The following MEGF9 variants were observed in gnomAD, a reference collection of about 807,000 sequenced individuals.
MEGF9 encodes the protein multiple EGF like domains 9.
MEGF9 carries 6 observed loss-of-function variants against 46.8 expected under a neutral mutation model. That is an observed-to-expected ratio of 0.13 (90% confidence interval 0.07 to 0.25). MEGF9 has a LOEUF of 0.25. Ranked by LOEUF, MEGF9 falls within the 10% of genes least tolerant of loss-of-function variation. The probability of loss-of-function intolerance (pLI) is 1.00; values close to 1 mark genes in which losing one functional copy is unlikely to be tolerated. For synonymous variants in MEGF9, 302 were observed against 330.7 expected (o/e 0.91, Z 0.94); for missense variants, 683 against 792.4 (o/e 0.86, Z 1.66).
chr9:120,660,584 ATTC>A, intron 1 of MEGF9, among the ~76,000 whole-genome samples: 2 of 152,186 alleles, frequency 1.3e-5, no homozygotes, highest in East Asian at 3.9e-4. Flanking sequence ...CCTGTCCACT[ATTC>A]TTCGCAGTCA....
intron 1 of MEGF9, among the ~76,000 whole-genome samples, chr9:120,664,299 G>A (rs1029799429): frequency 6.6e-6 from 1 of 152,018 alleles, no homozygotes; most frequent in Admixed American, 6.6e-5. Flanking sequence ...ATTAATGATG[G>A]GAGTTTTTGG....
At chr9:120,669,078 A>C (rs376937360) in intron 1 of MEGF9, among the ~76,000 whole-genome samples, 3 of 152,170 alleles carry the variant, frequency 2.0e-5, no homozygotes, top group Non-Finnish European at 4.4e-5. Flanking sequence ...TAAAGGTCAA[A>C]TTATATATGG....
Position 120,605,511 on chromosome 9 carries a change from G to T in MEGF9, c.1488C>A (p.Ser496Arg). The T allele has an allele frequency of 1.9e-6, 3 of 1,613,934 alleles. No homozygotes were observed. The highest frequency in any genetic ancestry group is 2.2e-5 in the South Asian group (2 of 91,084). Reference sequence around the variant, plus strand: ...AAGCTGAAGTGCTGTTTTCAGAAGTGCTTACTGAAAAGATAGTCTGCAGGG... The same window carrying T: ...AAGCTGAAGTGCTGTTTTCAGAAGTTCTTACTGAAAAGATAGTCTGCAGGG... ...PTTLQTIFSVSTSENSTSALA... is the reference protein window; with the variant it reads ...PTTLQTIFSVRTSENSTSALA... Residue 496 changes from serine (S) to arginine (R), a missense_variant, in exon 6 of 6, where the codon AGC (serine) becomes AGA (arginine). Physicochemically the swap from Ser to Arg is moderately radical, Grantham distance 110 (BLOSUM62 -1). Coordinates refer to ENST00000373930, the MANE Select transcript of MEGF9 (RefSeq NM_001080497.3). This position sits in a 1 kb window ranked among gnomAD's most constrained non-coding sequence, Gnocchi z 4.0.
intron 1 of MEGF9, among the ~76,000 whole-genome samples, chr9:120,663,731 A>C (rs531382588): frequency 6.4e-4 from 97 of 152,342 alleles, no homozygotes; most frequent in African/African-American, 1.7e-3. Flanking sequence ...ATTGCCTAAA[A>C]GTAAATATGG....
rs150282863 is a variant in MEGF9, at chr9:120,684,863, T to A, written c.602-25288A>T. ...TCTTTTTTTTTTTTGAGACGGAGTC[T>A]CGCTCTCTCTCCCAGTCTGGAGTGC... On this transcript the variant is annotated intron_variant, in intron 1 of 5. Coordinates refer to ENST00000373930, the MANE Select transcript of MEGF9 (RefSeq NM_001080497.3). Among the ~76,000 whole-genome samples, 1,373 of 151,822 alleles carry A rather than the reference T, an allele frequency of 9.0e-3. 16 individuals carry two copies. Among genetic ancestry groups the A allele is most frequent in the African/African-American group, 0.03 (1,254 of 41,340 alleles).
chr9:120,691,438 T>C (rs767204591), intron 1 of MEGF9: 3 of 489,650 alleles, frequency 6.1e-6, no homozygotes, highest in African/African-American at 6.0e-5. Flanking sequence ...TTTTCCTAGA[T>C]ACTTTTGGGG....
At position 120,688,167 on chromosome 9, in the gene MEGF9, A is replaced by ACACG. The variant is rs1223894381; in HGVS notation, c.601+25587_601+25590dup. On this transcript the variant is annotated intron_variant, in intron 1 of 5. Transcript: ENST00000373930. ...CACACACACACACACACACACACAC[A>ACACG]CACGCACGCACACACAACTTCTCTT... Among the ~76,000 whole-genome samples, 612 of 142,048 alleles carry ACACG rather than the reference A, an allele frequency of 4.3e-3. 3 individuals are homozygous for ACACG. Among genetic ancestry groups the ACACG allele is most frequent in the African/African-American group, 0.017 (593 of 33,914 alleles). 93.2% of individuals were successfully genotyped at this position (142,048 alleles called of 152,430 possible).
At chr9:120,704,061 C>T (rs575439861) in intron 1 of MEGF9, among the ~76,000 whole-genome samples, 5 of 152,064 alleles carry the variant, frequency 3.3e-5, no homozygotes, top group Non-Finnish European at 5.9e-5. Context: ...AGGTTGGGCG[C>T]GGTGGCTCAC....
chr9:120,714,015 G>A lies in MEGF9; in HGVS notation c.344C>T (p.Thr115Ile). 2 of 1,381,524 alleles carry A rather than the reference G, an allele frequency of 1.4e-6. No individual in the cohort carries two copies. The highest frequency in any genetic ancestry group is 1.9e-6 in the Non-Finnish European group (2 of 1,063,488). The allele number at this position is 1,381,524 out of a possible 1,614,324, so 85.6% of individuals were successfully genotyped here. A position where few individuals can be genotyped will look rare whatever the true frequency, so the allele number is the denominator to read the frequency against. Reference protein sequence around the residue: ...LWATAGPSSTTFQAPLGPSPT... With the variant: ...LWATAGPSSTIFQAPLGPSPT... ...CGAGGGGCCGAGCGGCGCCTGAAAG[G>A]TGGTGGAAGAGGGTCCAGCAGTCGC... Residue 115 changes from threonine to isoleucine, a missense_variant, in exon 1 of 6, where the codon ACC becomes ATC. Transcript: ENST00000373930.
At chr9:120,649,452 A>G (rs2043639761) in intron 2 of MEGF9, among the ~76,000 whole-genome samples, 1 of 152,138 alleles carries the variant, frequency 6.6e-6, no homozygotes, top group Non-Finnish European at 1.5e-5. Flanking sequence ...GCTAACTGGC[A>G]AGTTGAGATC....
chr9:120,707,828 A>T (rs2043935473), intron 1 of MEGF9, among the ~76,000 whole-genome samples: 1 of 152,192 alleles, frequency 6.6e-6, no homozygotes, highest in Admixed American at 6.5e-5. Context: ...AGATCATTTG[A>T]GGTCAGGAGT....
chr9:120,617,964 CTTA>C (rs1398751191), intron 3 of MEGF9, among the ~76,000 whole-genome samples: 1 of 152,026 alleles, frequency 6.6e-6, no homozygotes, highest in African/African-American at 2.4e-5. Context: ...GCAGGCTTAA[CTTA>C]TAAGTTGAAA....
chr9:120,634,001 CAT>C (rs1215671298), intron 2 of MEGF9, among the ~76,000 whole-genome samples: 1 of 152,292 alleles, frequency 6.6e-6, no homozygotes, highest in Non-Finnish European at 1.5e-5. Flanking sequence ...TGTAGTCTAA[CAT>C]GTGGTCTATC....
In MEGF9 at chr9:120,685,665, C is replaced by T. The variant is rs576649993; in HGVS notation, c.602-26090G>A. Among the ~76,000 whole-genome samples, 360 of 152,248 alleles carry T rather than the reference C, an allele frequency of 2.4e-3. 2 individuals carry two copies. Among genetic ancestry groups the T allele is most frequent in the African/African-American group, 8.3e-3 (346 of 41,530 alleles). On this transcript the variant is annotated intron_variant, in intron 1 of 5. Coordinates refer to ENST00000373930, the MANE Select transcript of MEGF9 (RefSeq NM_001080497.3). ...GTACAGCCACTATGAAAAACAGTAT[C>T]GCAGTTTCCCAAAAAATTAATTTAC...
At chr9:120,658,734 A>G (rs1293863233) in intron 2 of MEGF9, among the ~76,000 whole-genome samples, 1 of 152,230 alleles carries the variant, frequency 6.6e-6, no homozygotes, top group Non-Finnish European at 1.5e-5. Flanking sequence ...GTCAAAGAAT[A>G]ATTACTTTCA....
At chr9:120,672,445 T>C (rs1236824959) in intron 1 of MEGF9, among the ~76,000 whole-genome samples, 7 of 147,236 alleles carry the variant, frequency 4.8e-5, no homozygotes, top group Non-Finnish European at 1.0e-4. Flanking sequence ...AATAAATAAA[T>C]AAATAAATAA....
intron 1 of MEGF9, among the ~76,000 whole-genome samples, chr9:120,674,826 T>C (rs2043765439): frequency 6.6e-6 from 1 of 151,582 alleles, no homozygotes; most frequent in African/African-American, 2.4e-5. Flanking sequence ...CTCTTCAGCC[T>C]CTCAAAGTGC....
chr9:120,689,007 T>G (rs987248618), intron 1 of MEGF9, among the ~76,000 whole-genome samples: 5 of 152,204 alleles, frequency 3.3e-5, no homozygotes, highest in Non-Finnish European at 7.3e-5. Flanking sequence ...CTACAATTTC[T>G]AGGTGCTGGA....
chr9:120,604,045 TAATC>T lies in MEGF9; in HGVS notation c.*1141_*1144del, dbSNP rs1388614601. 5.2e-5 allele frequency: 8 copies of T among 152,700 alleles called. No homozygotes were observed. Among genetic ancestry groups the T allele is most frequent in the Admixed American group, 4.6e-4 (7 of 15,290 alleles). The allele number at this position is 152,700 out of a possible 1,614,324, so 9.5% of individuals were successfully genotyped here. A position where few individuals can be genotyped will look rare whatever the true frequency, so the allele number is the denominator to read the frequency against. The stretch of plus-strand genomic sequence containing the variant: ...TTTTTAATGAGGATATGTTTTATAT[TAATC>T]TATGTAAAATATATAGGGTGGCTAA... On this transcript the variant is annotated 3_prime_UTR_variant, in exon 6 of 6. Coordinates refer to ENST00000373930, the MANE Select transcript of MEGF9 (RefSeq NM_001080497.3).
Sources: gnomAD v4.1 joint callset for allele counts (sites outside exome capture counted in the v4.1 genomes callset) on GRCh38, gnomAD v4.1.1 for gene constraint, Gnocchi (gnomAD v3.1) non-coding constraint, MANE v1.5 for transcripts, NCBI Gene and HGNC (gene_info 2026-07-23, HGNC 2026-07-21) for gene names.